The following APBA3 variants were observed in gnomAD, a reference collection of about 807,000 sequenced individuals.
APBA3 encodes amyloid-beta A4 precursor protein-binding family A member 3.
Under a neutral mutation model 55.9 loss-of-function variants are expected in APBA3, and 45 were observed. That is an observed-to-expected ratio of 0.80 (90% CI 0.63 to 1.03). The LOEUF (loss-of-function observed/expected upper bound fraction) is 1.03. Ranked by LOEUF, APBA3 falls within the 50% of genes least tolerant of loss-of-function variation. The pLI is 0.00. For missense variants in APBA3, 865 were observed against 820.3 expected (o/e 1.05, Z -0.67); for synonymous variants, 370 against 353.3 (o/e 1.05, Z -0.53).
At position 3,760,000 on chromosome 19, in the gene APBA3, G is replaced by A. The variant is rs774993650; in HGVS notation, c.265C>T (p.His89Tyr). 6.2e-7 allele frequency: 1 copy of A among 1,611,772 alleles called. No homozygotes were observed. The highest frequency in any genetic ancestry group is 8.5e-7 in the Non-Finnish European group (1 of 1,179,540). Reference protein sequence around the residue: ...APCPLHIATGHGLASQEIADA... With the variant: ...APCPLHIATGYGLASQEIADA... ...GCAATCTCCTGGGAGGCCAGGCCATGGCCTGTGGCAATGTGTAGGGGACAG... is the reference window on the plus strand; with the variant it reads ...GCAATCTCCTGGGAGGCCAGGCCATAGCCTGTGGCAATGTGTAGGGGACAG... The change falls in exon 2 of 11, where the codon CAT becomes TAT. Residue 89 changes from histidine to tyrosine, a missense_variant. By Grantham distance (83) the His-to-Tyr change is moderately conservative. Coordinates refer to ENST00000316757, the MANE Select transcript of APBA3 (RefSeq NM_004886.4).
Position 3,752,810 on chromosome 19 carries a change from C to T in APBA3, c.1182+10G>A. The T allele has an allele frequency of 1.2e-6, 2 of 1,612,480 alleles. No individual in the cohort carries two copies. Among genetic ancestry groups the T allele is most frequent in the Non-Finnish European group, 1.7e-6 (2 of 1,179,504 alleles). On this transcript the variant is annotated intron_variant, in intron 7 of 10. Coordinates refer to ENST00000316757, the MANE Select transcript of APBA3 (RefSeq NM_004886.4). Reference sequence around the variant, plus strand: ...GGCACCAGGTGGGGGCTGCCCAGCACCTCACTCACCTCCCGGCAGTTGTCA... The same window carrying T: ...GGCACCAGGTGGGGGCTGCCCAGCATCTCACTCACCTCCCGGCAGTTGTCA...
At position 3,754,020 on chromosome 19, in the gene APBA3, T is replaced by C. The variant is rs983581481; in HGVS notation, c.848A>G (p.Gln283Arg). Residue 283 changes from glutamine to arginine, a missense_variant and splice_region_variant, in exon 5 of 11, where the codon CAG becomes CGG. Transcript: ENST00000316757. ...CTGGGGCGGGTCCCTGCCCCGTACC[T>C]GGGAGTCCGCTGTCAAGACCTTGAT... ...KRIKVLTADS[Q>R]EAMMDHALHT... The C allele has an allele frequency of 6.2e-7, 1 of 1,608,540 alleles. No individual in the cohort carries two copies.
rs780597479 is a variant in APBA3 at position 3,751,310 on chromosome 19, C to T, written c.1535G>A (p.Gly512Asp). 6.5e-7 allele frequency: 1 copy of T among 1,538,352 alleles called. No homozygotes were observed. The highest frequency in any genetic ancestry group is 8.7e-7 in the Non-Finnish European group (1 of 1,145,464). The change falls in exon 10 of 11, where the codon GGT becomes GAT. Residue 512 changes from glycine (G) to aspartate (D), a missense_variant. Coordinates refer to ENST00000316757, the MANE Select transcript of APBA3 (RefSeq NM_004886.4). ...GATGCCCCCACGCTCGGCGATGCCA[C>T]CACGGAGGAGGCTGCAGATCTGGGG... ...EDGIICSLLR[G>D]GIAERGGIRV...
chr19:3,752,871 G>T lies in APBA3; in HGVS notation c.1131C>A (p.His377Gln), dbSNP rs1293588290. The T allele has an allele frequency of 1.1e-5, 17 of 1,613,294 alleles. No homozygotes were observed. The highest frequency in any genetic ancestry group is 1.4e-5 in the Non-Finnish European group (16 of 1,179,892). Residue 377 changes from histidine (H) to glutamine (Q), a missense_variant, in exon 7 of 11, where the codon CAC becomes CAA. Physicochemically the swap from His to Gln is conservative, Grantham distance 24 (BLOSUM62 0). Transcript: ENST00000316757. ...VGVHPSPGAC[H>Q]LHNGDLDHFS... ...AGTGGTCCAGGTCCCCATTATGGAG[G>T]TGGCAGGCGCCTGGGCTCGGGTGCA...
chr19:3,752,706 C>T lies in APBA3; in HGVS notation c.1197G>A (p.Lys399=). 2 of 1,598,528 alleles carry T rather than the reference C, an allele frequency of 1.3e-6. No homozygotes were observed. The highest frequency in any genetic ancestry group is 1.7e-6 in the Non-Finnish European group (2 of 1,176,436). ...SDNCREVHLE[K]RRGEGLGVAL... is the part of the protein sequence containing the mutation. ...CCACGCCCAGGCCCTCCCCTCGCCG[C>T]TTCTCGAGGTGCACCTGGGACACAC... is the stretch of plus-strand genomic sequence containing the variant. Residue 399 remains lysine, a synonymous_variant, in exon 8 of 11, where the codon AAG becomes AAA. Transcript: ENST00000316757.
At chr19:3,758,488 G>A (rs769099434) in intron 3 of APBA3, among the ~76,000 whole-genome samples, 55 of 151,916 alleles carry the variant, frequency 3.6e-4, no homozygotes, top group Non-Finnish European at 6.0e-4. Flanking sequence ...TCCAACTCCC[G>A]GCTCAAGCGA....
chr19:3,751,673 C>G, intron 8 of APBA3, 120 bp from the exon 9 acceptor site: 1 of 1,164,400 alleles, frequency 8.6e-7, no homozygotes, highest in Non-Finnish European at 1.2e-6. Context: ...GGGCTCAATT[C>G]TGGAAGACCC....
At chr19:3,758,389 G>A (rs1002608474) in intron 3 of APBA3, among the ~76,000 whole-genome samples, 1 of 151,990 alleles carries the variant, frequency 6.6e-6, no homozygotes, top group African/African-American at 2.4e-5. Context: ...CTCCTGAGTA[G>A]CTGGGACTAC....
intron 6 of APBA3, chr19:3,753,381 G>A (rs1164999931): frequency 2.8e-6 from 1 of 358,862 alleles, no homozygotes; most frequent in Non-Finnish European, 5.1e-6. Flanking sequence ...GGTGGCTCAC[G>A]CCTGTAATTG....
intron 3 of APBA3, among the ~76,000 whole-genome samples, chr19:3,758,038 G>C (rs554498207): frequency 4.6e-5 from 7 of 152,142 alleles, no homozygotes; most frequent in Admixed American, 1.3e-4. Flanking sequence ...GGGTTCATGT[G>C]ATTCTCCTGC....
At chr19:3,758,227 C>T (rs1476245159) in intron 3 of APBA3, among the ~76,000 whole-genome samples, 1 of 151,892 alleles carries the variant, frequency 6.6e-6, no homozygotes, top group African/African-American at 2.4e-5. Flanking sequence ...AGCCACCGCG[C>T]CCAGCTTATG....
rs945794189 is a variant in APBA3 at position 3,754,234 on chromosome 19, C to T, written c.723G>A (p.Thr241=). 13 of 1,544,612 alleles carry T rather than the reference C, an allele frequency of 8.4e-6. No individual in the cohort carries two copies. The highest frequency in any genetic ancestry group is 6.0e-5 in the South Asian group (5 of 83,572). ...TGGCCTCCCGGGCCTGGGCCATGCG[C>T]GTGCTGGTGGGCGGGTTCCGTTCCG... The part of the protein sequence containing the change: ...LVSERNPPTS[T]RMAQAREAMD... Residue 241 remains threonine, a synonymous_variant, in exon 4 of 11, where the codon ACG becomes ACA. Coordinates refer to ENST00000316757, the MANE Select transcript of APBA3 (RefSeq NM_004886.4).
chr19:3,752,506 A>G lies in APBA3; in HGVS notation c.1395+2T>C. 6.4e-7 allele frequency: 1 copy of G among 1,568,000 alleles called. No individual in the cohort carries two copies. On this transcript the variant is annotated splice_donor_variant, in intron 8 of 10. Coordinates refer to ENST00000316757, the MANE Select transcript of APBA3 (RefSeq NM_004886.4). LOFTEE classifies it high-confidence loss of function. Reference sequence around the variant, plus strand: ...GGGGCCCTGCCACACCAGGAAACTCACGCGGACAGCGGCCTGGCACGCAGC... The same window carrying G: ...GGGGCCCTGCCACACCAGGAAACTCGCGCGGACAGCGGCCTGGCACGCAGC...
chr19:3,759,732 G>A lies in APBA3; in HGVS notation c.533C>T (p.Thr178Met), dbSNP rs138562152. Reference sequence around the variant, plus strand: ...CTCTTCAGGTGTGACTAGAGGCACCGTCTCCAGCCAGGGTTCCGGGGAACT... The same window carrying A: ...CTCTTCAGGTGTGACTAGAGGCACCATCTCCAGCCAGGGTTCCGGGGAACT... ...SSSSPEPWLE[T>M]VPLVTPEEPP... is the part of the protein sequence containing the mutation. The change falls in exon 2 of 11, where the codon ACG becomes ATG. Residue 178 changes from threonine (T) to methionine (M), a missense_variant. Physicochemically the swap from Thr to Met is moderately conservative, Grantham distance 81. Coordinates refer to ENST00000316757, the MANE Select transcript of APBA3 (RefSeq NM_004886.4). 1.0e-3 allele frequency: 1,687 copies of A among 1,612,666 alleles called. No homozygotes were observed. Among genetic ancestry groups the A allele is most frequent in the Non-Finnish European group, 1.3e-3 (1,560 of 1,179,828 alleles).
intron 8 of APBA3, chr19:3,751,975 C>T (rs1361780227): frequency 3.5e-5 from 7 of 201,184 alleles, no homozygotes; most frequent in South Asian, 9.0e-5. Flanking sequence ...TGTGGGAGGC[C>T]GAGGCAGGTG....
At chr19:3,760,333 G>T in intron 1 of APBA3, 32 bp from the exon 2 acceptor site, 1 of 1,426,150 alleles carries the variant, frequency 7.0e-7, no homozygotes, top group Non-Finnish European at 9.3e-7. Context: ...CTGAGGTTTC[G>T]CCCGGGTGCA....
chr19:3,751,491 G>T lies in APBA3; in HGVS notation c.1458C>A (p.Ala486=). The change falls in exon 9 of 11, where the codon GCC becomes GCA. Residue 486 remains alanine, a synonymous_variant. Transcript: ENST00000316757. ...SIVHCPPVTT[A]IIHRPHAREQ... is the part of the protein sequence containing the mutation. ...CGCGGGCGTGGGGCCGGTGGATGAT[G>T]GCGGTGGTGACGGGAGGGCAGTGGA... 1 of 1,578,796 alleles carries T rather than the reference G, an allele frequency of 6.3e-7. No individual in the cohort carries two copies.
At chr19:3,758,615 C>T (rs2037106615) in intron 3 of APBA3, among the ~76,000 whole-genome samples, 1 of 152,092 alleles carries the variant, frequency 6.6e-6, no homozygotes, top group Non-Finnish European at 1.5e-5. Flanking sequence ...CGTGGTGGCT[C>T]ACGCTTGTAA....
intron 3 of APBA3, chr19:3,755,563 G>GGCT (rs1555743087): frequency 9.2e-6 from 1 of 109,174 alleles, no homozygotes; most frequent in Admixed American, 1.1e-4. Flanking sequence ...GGAGGCCGGG[G>GGCT]GGGGGGGGTG....
Sources: gnomAD v4.1 joint callset for allele counts (sites outside exome capture counted in the v4.1 genomes callset) on GRCh38, gnomAD v4.1.1 for gene constraint, MANE v1.5 for transcripts, NCBI Gene and HGNC (gene_info 2026-07-23, HGNC 2026-07-21) for gene names.